Variants in COBL observed in about 807,000 individuals in gnomAD.
COBL encodes the protein cordon-bleu WH2 repeat protein, also known as protein cordon-bleu.
COBL carries 51 observed loss-of-function variants against 98.8 expected under a neutral mutation model. The observed-to-expected ratio is 0.52, with a 90% CI of 0.41 to 0.65. The LOEUF (loss-of-function observed/expected upper bound fraction) is 0.65. COBL is among the 30% of genes least tolerant of loss of function. The pLI is 0.00. For synonymous variants in COBL, 634 were observed against 651.7 expected, an observed-to-expected ratio of 0.97 and a Z score of 0.41; for missense variants, 1,617 against 1,617.5, an observed-to-expected ratio of 1.00 and a Z score of 0.01.
intron 1 of COBL, among the ~76,000 whole-genome samples, chr7:51,297,636 G>T (rs1328069589): frequency 6.6e-6 from 1 of 151,984 alleles, no homozygotes; most frequent in African/African-American, 2.4e-5. Context: ...CAGGTGATCT[G>T]CCCGCCTCAG....
intron 7 of COBL, among the ~76,000 whole-genome samples, chr7:51,053,370 C>T (rs1271302964): frequency 1.3e-5 from 2 of 152,274 alleles, no homozygotes; most frequent in Middle Eastern, 6.8e-3. Context: ...TGTGCCCTGC[C>T]CTGTGCTGCC....
At chr7:51,025,442 C>T (rs781049084) in intron 11 of COBL, 70 bp from the exon 12 acceptor site, 181 of 1,527,344 alleles carry the variant, frequency 1.2e-4, no homozygotes, top group Admixed American at 2.1e-4. Context: ...GAAATCCCAA[C>T]GCCCAAGGTA....
intron 2 of COBL, among the ~76,000 whole-genome samples, chr7:51,207,657 C>T (rs887449747): frequency 1.1e-4 from 16 of 152,252 alleles, no homozygotes; most frequent in African/African-American, 2.9e-4. Context: ...GTCTCCAGCT[C>T]CTAACCGCGA....
chr7:51,064,244 C>G (rs1391168738), intron 7 of COBL, among the ~76,000 whole-genome samples: 1 of 151,858 alleles, frequency 6.6e-6, no homozygotes, highest in Non-Finnish European at 1.5e-5. Context: ...CTGACACAAC[C>G]CCTATAGGTG....
chr7:51,149,806 A>G (rs1785389763), intron 5 of COBL, among the ~76,000 whole-genome samples: 1 of 152,114 alleles, frequency 6.6e-6, no homozygotes, highest in African/African-American at 2.4e-5. Context: ...CGGTTTCAGC[A>G]TCTTTGTAAA....
rs549428418 is a variant in COBL, at chr7:51,110,299, T to C, written c.958-24995A>G. Among the ~76,000 whole-genome samples the C allele has an allele frequency of 1.3e-3, 204 of 152,314 alleles. 1 individual carries two copies. The highest frequency in any genetic ancestry group is 4.4e-3 in the African/African-American group (183 of 41,572). ...GCGCAGCCTCTGGTAACCACCAATCTACTCTCTACCTTCATGAGATCCACT... is the reference window on the plus strand; with the variant it reads ...GCGCAGCCTCTGGTAACCACCAATCCACTCTCTACCTTCATGAGATCCACT... On this transcript the variant is annotated intron_variant, in intron 6 of 12. Transcript: ENST00000265136.
intron 7 of COBL, among the ~76,000 whole-genome samples, chr7:51,045,242 C>T (rs1331610515): frequency 6.6e-6 from 1 of 152,236 alleles, no homozygotes; most frequent in Non-Finnish European, 1.5e-5. Context: ...GTAAAACTCT[C>T]AGGTCACAGA....
rs34766805 is a variant in COBL at position 51,214,272 on chromosome 7, A to AAAATAAATAAAT, written c.245+5457_245+5468dup. ...CAACAGAGCAAGACTTCATCTATTAAAAATAAATAAATAAATAAATAAATA... is the reference window on the plus strand; with the variant it reads ...CAACAGAGCAAGACTTCATCTATTAAAAATAAATAAATAAATAAATAAATAAATAAATAAATA... On this transcript the variant is annotated intron_variant, in intron 2 of 12. Coordinates refer to ENST00000265136, the MANE Select transcript of COBL (RefSeq NM_015198.5). Among the ~76,000 whole-genome samples the AAAATAAATAAAT allele has an allele frequency of 8.8e-3, 1,235 of 140,258 alleles. 6 individuals are homozygous for AAAATAAATAAAT. Among genetic ancestry groups the AAAATAAATAAAT allele is most frequent in the African/African-American group, 0.023 (872 of 37,816 alleles). The allele number at this position is 140,258 out of a possible 152,430, so 92.0% of individuals were successfully genotyped here.
At chr7:51,065,214 G>A (rs772025140) in intron 7 of COBL, 23 of 703,388 alleles carry the variant, frequency 3.3e-5, no homozygotes, top group South Asian at 4.4e-5. Flanking sequence ...GTGTGTGTGC[G>A]TGTGTGTGTC....
intron 7 of COBL, among the ~76,000 whole-genome samples, chr7:51,066,848 T>TA (rs1298563588): frequency 1.2e-4 from 18 of 152,190 alleles, no homozygotes; most frequent in Middle Eastern, 3.2e-3. Flanking sequence ...GAGGCAGACA[T>TA]AAGTGCAAGG....
intron 7 of COBL, among the ~76,000 whole-genome samples, chr7:51,055,238 C>T (rs915904529): frequency 3.3e-5 from 5 of 152,244 alleles, no homozygotes; most frequent in East Asian, 3.9e-4. Flanking sequence ...TTCCTGGACT[C>T]GCAAAGCCCA....
intron 1 of COBL, among the ~76,000 whole-genome samples, chr7:51,255,166 A>G (rs1323134987): frequency 6.6e-6 from 1 of 152,232 alleles, no homozygotes; most frequent in Non-Finnish European, 1.5e-5. Context: ...TTGCGTATAA[A>G]CAAACATTTA....
chr7:51,291,406 A>T (rs1488383460), intron 1 of COBL, among the ~76,000 whole-genome samples: 1 of 152,220 alleles, frequency 6.6e-6, no homozygotes, highest in Non-Finnish European at 1.5e-5. Context: ...ATGGACAGGA[A>T]ATTAGCTGTC....
At chr7:51,224,499 C>G (rs1793992754) in intron 1 of COBL, among the ~76,000 whole-genome samples, 2 of 150,922 alleles carry the variant, frequency 1.3e-5, no homozygotes, top group South Asian at 2.1e-4. Context: ...TAAAGATGAG[C>G]AGAAATTTCA....
At chr7:51,060,548 C>T (rs1052741327) in intron 7 of COBL, among the ~76,000 whole-genome samples, 2 of 151,910 alleles carry the variant, frequency 1.3e-5, no homozygotes, top group African/African-American at 4.8e-5. Flanking sequence ...CCTTAGAGGG[C>T]TCGGGTGATG....
chr7:51,240,623 T>G (rs186932080), intron 1 of COBL, among the ~76,000 whole-genome samples: 204 of 152,276 alleles, frequency 1.3e-3, no homozygotes, highest in African/African-American at 4.5e-3. Flanking sequence ...CGCGGCTCAC[T>G]ACAACCTCCA....
chr7:51,215,002 GTTAT>G (rs1176715231), intron 2 of COBL, among the ~76,000 whole-genome samples: 1 of 152,012 alleles, frequency 6.6e-6, no homozygotes, highest in African/African-American at 2.4e-5. Flanking sequence ...TTTTGCAAGT[GTTAT>G]TTTTTTTTTC....
intron 6 of COBL, among the ~76,000 whole-genome samples, chr7:51,119,864 ACTT>A (rs1432216109): frequency 6.6e-6 from 1 of 152,208 alleles, no homozygotes; most frequent in African/African-American, 2.4e-5. Flanking sequence ...ATATTATTTG[ACTT>A]CTAAGGAAAT....
At chr7:51,308,129 G>A (rs557920163) in intron 1 of COBL, among the ~76,000 whole-genome samples, 18 of 152,302 alleles carry the variant, frequency 1.2e-4, no homozygotes, top group African/African-American at 4.1e-4. Context: ...GGCTGCTGTC[G>A]ATCAGTCTCC....
Sources: allele counts gnomAD v4.1 joint callset (sites outside exome capture counted in the v4.1 genomes callset), GRCh38; gene constraint gnomAD v4.1.1; transcripts MANE v1.5; gene names NCBI Gene and HGNC (gene_info 2026-07-23, HGNC 2026-07-21).